The following SAMD3 variants were observed in gnomAD, a reference collection of about 807,000 sequenced individuals.
The protein encoded by SAMD3 is sterile alpha motif domain containing 3.
In SAMD3, 63 loss-of-function variants were observed where a neutral mutation model predicts 58.5. That is an observed-to-expected ratio of 1.08 (90% CI 0.88 to 1.33). The LOEUF (loss-of-function observed/expected upper bound fraction) is 1.33. SAMD3 is among the 40% of genes most tolerant of loss of function. The pLI is 0.00. For synonymous variants in SAMD3, 220 were observed against 210.3 expected (o/e 1.05, Z -0.40); for missense variants, 604 against 608.4 (o/e 0.99, Z 0.08).
At chr6:130,260,725 GCCATGCGGAT>G (rs752519201) in intron 2 of SAMD3, among the ~76,000 whole-genome samples, 36 of 152,206 alleles carry the variant, frequency 2.4e-4, no homozygotes, top group Non-Finnish European at 4.4e-4. Flanking sequence ...ACCAGCCCAA[GCCATGCGGAT>G]CCTGAGAGCA....
At chr6:130,184,265 TCATTTTTCTTCA>T (rs1792709886) in intron 6 of SAMD3, 78 bp from the exon 7 acceptor site, 1 of 1,265,212 alleles carries the variant, frequency 7.9e-7, no homozygotes, top group South Asian at 1.4e-5. Context: ...CTAATTACAC[TCATTTTTCTTCA>T]CATTTTTCTA....
intron 1 of SAMD3, among the ~76,000 whole-genome samples, chr6:130,337,672 A>C (rs2115019770): frequency 1.3e-5 from 2 of 152,338 alleles, no homozygotes; most frequent in South Asian, 4.1e-4. Flanking sequence ...GTGGACAATG[A>C]AGCCCAGGCT....
intron 1 of SAMD3, among the ~76,000 whole-genome samples, chr6:130,342,650 A>G (rs1447285690): frequency 6.6e-6 from 1 of 152,176 alleles, no homozygotes; most frequent in Non-Finnish European, 1.5e-5. Context: ...AATTATAACT[A>G]AAACAGTGAG....
At chr6:130,215,554 C>A in intron 2 of SAMD3, 1 of 1,330,424 alleles carries the variant, frequency 7.5e-7, no homozygotes, top group Non-Finnish European at 9.6e-7. Context: ...TTTTTTTCCA[C>A]AGGCATCTCT....
At chr6:130,145,079 G>A (rs1227068916) in intron 11 of SAMD3, among the ~76,000 whole-genome samples, 1 of 152,112 alleles carries the variant, frequency 6.6e-6, no homozygotes, top group African/African-American at 2.4e-5. Context: ...GACCAACACC[G>A]TGAAACCCCG....
intron 8 of SAMD3, among the ~76,000 whole-genome samples, chr6:130,174,322 T>C (rs1327925723): frequency 6.6e-6 from 1 of 152,116 alleles, no homozygotes; most frequent in Admixed American, 6.5e-5. Flanking sequence ...TACGAGGCAA[T>C]CTCCTGATCT....
intron 1 of SAMD3, among the ~76,000 whole-genome samples, chr6:130,318,009 A>T (rs1202790439): frequency 1.3e-5 from 2 of 152,186 alleles, no homozygotes; most frequent in Non-Finnish European, 2.9e-5. Flanking sequence ...AACTACGCAG[A>T]CCTGTAGGGA....
intron 1 of SAMD3, among the ~76,000 whole-genome samples, chr6:130,331,762 T>A (rs1583117312): frequency 6.6e-6 from 1 of 152,214 alleles, no homozygotes; most frequent in East Asian, 1.9e-4. Flanking sequence ...TGTGCCAGCA[T>A]TTTATGCTAA....
intron 2 of SAMD3, among the ~76,000 whole-genome samples, chr6:130,274,428 A>T (rs1223479166): frequency 6.6e-6 from 1 of 152,208 alleles, no homozygotes. Context: ...CTAGTCTTCC[A>T]AGAATAGGAT....
At chr6:130,287,892 C>T (rs1775214611) in intron 2 of SAMD3, among the ~76,000 whole-genome samples, 1 of 150,200 alleles carries the variant, frequency 6.7e-6, no homozygotes, top group Non-Finnish European at 1.5e-5. Flanking sequence ...TTGCAGTGAG[C>T]TGAGATCACG....
chr6:130,288,657 T>A (rs1775255375), intron 2 of SAMD3, among the ~76,000 whole-genome samples: 1 of 152,198 alleles, frequency 6.6e-6, no homozygotes, highest in African/African-American at 2.4e-5. Context: ...AATGTGGATG[T>A]TTAGGTAACT....
At chr6:130,334,401 G>T (rs932140232) in intron 1 of SAMD3, among the ~76,000 whole-genome samples, 1 of 117,988 alleles carries the variant, frequency 8.5e-6, no homozygotes, top group Admixed American at 8.3e-5. Flanking sequence ...GTCTAATGCA[G>T]TCCTTTCCTG....
At chr6:130,308,388 C>CTATTCTATT (rs1314305696) in intron 2 of SAMD3, among the ~76,000 whole-genome samples, 16 of 144,366 alleles carry the variant, frequency 1.1e-4, no homozygotes, top group African/African-American at 4.0e-4. Context: ...CTATTCTATT[C>CTATTCTATT]TATTCTATTC....
chr6:130,301,014 C>T (rs1775728988), intron 2 of SAMD3, among the ~76,000 whole-genome samples: 1 of 152,140 alleles, frequency 6.6e-6, no homozygotes, highest in African/African-American at 2.4e-5. Context: ...GTTCCCCGCC[C>T]TGTGTCCACG....
At chr6:130,181,243 G>A (rs967908485) in intron 7 of SAMD3, among the ~76,000 whole-genome samples, 2 of 151,972 alleles carry the variant, frequency 1.3e-5, no homozygotes, top group East Asian at 1.9e-4. Flanking sequence ...CACCGTACCC[G>A]GCCCCAAATT....
At chr6:130,344,085 C>G (rs1243932725) in intron 1 of SAMD3, among the ~76,000 whole-genome samples, 1 of 152,114 alleles carries the variant, frequency 6.6e-6, no homozygotes, top group Non-Finnish European at 1.5e-5. Flanking sequence ...GCTTTTCTGG[C>G]TTTTGTTTTC....
intron 9 of SAMD3, among the ~76,000 whole-genome samples, chr6:130,152,801 A>G (rs1789348550): frequency 6.6e-6 from 1 of 152,236 alleles, no homozygotes; most frequent in Non-Finnish European, 1.5e-5. Flanking sequence ...AATGGTGCGG[A>G]AGATACACCT....
At chr6:130,176,898 G>A (rs2114673168) in intron 7 of SAMD3, among the ~76,000 whole-genome samples, 1 of 152,240 alleles carries the variant, frequency 6.6e-6, no homozygotes, top group East Asian at 1.9e-4. Flanking sequence ...AATGACAGAG[G>A]ATGGGGTAAA....
chr6:130,291,622 A>G (rs1242120020), intron 2 of SAMD3, among the ~76,000 whole-genome samples: 1 of 152,238 alleles, frequency 6.6e-6, no homozygotes, highest in Admixed American at 6.5e-5. Flanking sequence ...ATTTCTCTGC[A>G]TCTGAACATA....
Sources: allele counts gnomAD v4.1 joint callset (sites outside exome capture counted in the v4.1 genomes callset), GRCh38; gene constraint gnomAD v4.1.1; transcripts MANE v1.5; gene names NCBI Gene and HGNC (gene_info 2026-07-23, HGNC 2026-07-21).